The following PRKG1 variants were observed in gnomAD, a reference collection of about 807,000 sequenced individuals.
PRKG1 encodes the protein protein kinase cGMP-dependent 1.
Under a neutral mutation model 88.1 loss-of-function variants are expected in PRKG1, and 35 were observed. The observed-to-expected ratio is 0.40, with a 90% CI of 0.30 to 0.53. PRKG1 has a LOEUF of 0.53. PRKG1 is among the 20% of genes least tolerant of loss of function. The pLI, the probability that PRKG1 is intolerant of heterozygous loss-of-function variation, is 0.59. For missense variants in PRKG1, 540 were observed against 839.8 expected (o/e 0.64, Z 4.41); for synonymous variants, 303 against 292.5 (o/e 1.04, Z -0.37).
intron 3 of PRKG1, among the ~76,000 whole-genome samples, chr10:51,785,128 T>C (rs1014167548): frequency 5.3e-5 from 8 of 151,498 alleles, no homozygotes; most frequent in Non-Finnish European, 2.9e-5. Context: ...CTTCTTCTTT[T>C]TTTTTTTTTT....
intron 4 of PRKG1, among the ~76,000 whole-genome samples, chr10:51,897,399 ATAAT>A (rs1374116679): frequency 1.3e-5 from 2 of 152,148 alleles, no homozygotes; most frequent in African/African-American, 4.8e-5. Flanking sequence ...CTTCCCAGAG[ATAAT>A]TAATATAACT....
chr10:51,787,980 G>T (rs1838770194), intron 3 of PRKG1, among the ~76,000 whole-genome samples: 1 of 152,202 alleles, frequency 6.6e-6, no homozygotes, highest in South Asian at 2.1e-4. Context: ...CGACCTTTGG[G>T]TTTATGTAGT....
chr10:51,735,966 C>T (rs1837266909), intron 3 of PRKG1, among the ~76,000 whole-genome samples: 1 of 125,194 alleles, frequency 8.0e-6, no homozygotes, highest in South Asian at 2.8e-4. Flanking sequence ...GTGCACGACT[C>T]ACTGCAGCCT....
At position 52,225,485 on chromosome 10, in the gene PRKG1, A is replaced by G. The variant is rs568379651; in HGVS notation, c.1077-26085A>G. 3.3e-4 allele frequency among the ~76,000 whole-genome samples: 50 copies of G among 152,216 alleles called. No homozygotes were observed. The East Asian group carries it at 9.5e-3, about 29-fold the overall frequency. On this transcript the variant is annotated intron_variant, in intron 9 of 17. Transcript: ENST00000373980. ...CTTTTGCCATGCAAAAATGATCTTTAGTTTAATTAGGTCTCAGCTATTTAT... is the reference window on the plus strand; with the variant it reads ...CTTTTGCCATGCAAAAATGATCTTTGGTTTAATTAGGTCTCAGCTATTTAT...
chr10:52,207,325 A>G (rs113143149), intron 9 of PRKG1, among the ~76,000 whole-genome samples: 4 of 151,612 alleles, frequency 2.6e-5, no homozygotes, highest in African/African-American at 7.3e-5. Flanking sequence ...CTGGTGAGGG[A>G]GCTATGATGA....
intron 5 of PRKG1, among the ~76,000 whole-genome samples, chr10:52,024,572 A>G (rs1385453312): frequency 6.6e-6 from 1 of 152,062 alleles, no homozygotes; most frequent in East Asian, 1.9e-4. Flanking sequence ...GAGTGAGAAC[A>G]TGCAGTGTTT....
chr10:52,033,977 G>A (rs900798247), intron 5 of PRKG1, among the ~76,000 whole-genome samples: 1 of 74,496 alleles, frequency 1.3e-5, no homozygotes, highest in Non-Finnish European at 3.3e-5. Flanking sequence ...TGCTCAGTGG[G>A]GGTGCTTTTT....
chr10:51,295,166 G>T (rs1840687720), intron 2 of PRKG1, among the ~76,000 whole-genome samples: 1 of 151,874 alleles, frequency 6.6e-6, no homozygotes, highest in Non-Finnish European at 1.5e-5. Flanking sequence ...TTCTACTTTT[G>T]CAAATAATGC....
At chr10:51,554,032 T>TATATTATATGTGCGTATGTGATACGTGC (rs1837227375) in intron 3 of PRKG1, among the ~76,000 whole-genome samples, 1 of 129,246 alleles carries the variant, frequency 7.7e-6, no homozygotes, top group African/African-American at 3.1e-5. Context: ...GTGATACGTG[T>TATATTATATGTGCGTATGTGATACGTGC]ATATATTATA....
chr10:51,090,412 A>C lies in PRKG1; in HGVS notation c.311+15511A>C, dbSNP rs374390604. Among the ~76,000 whole-genome samples the C allele has an allele frequency of 2.8e-4, 43 of 152,200 alleles. No homozygotes were observed. The East Asian group carries it at 3.1e-3, about 11-fold the overall frequency. On this transcript the variant is annotated intron_variant, in intron 1 of 17. Coordinates refer to ENST00000373980, the MANE Select transcript of PRKG1 (RefSeq NM_006258.4). ...GATTGAGTGACAGAAAGGATCCTACACAATTTCTGTGTGGGATAACTGTGG... is the reference window on the plus strand; with the variant it reads ...GATTGAGTGACAGAAAGGATCCTACCCAATTTCTGTGTGGGATAACTGTGG...
chr10:51,145,856 G>C (rs545758672), intron 1 of PRKG1, among the ~76,000 whole-genome samples: 1 of 152,122 alleles, frequency 6.6e-6, no homozygotes, highest in South Asian at 2.1e-4. Context: ...TGTATTTTTA[G>C]TTTTAGAGAA....
At chr10:51,743,100 TTCTC>T (rs1450952323) in intron 3 of PRKG1, among the ~76,000 whole-genome samples, 1 of 152,028 alleles carries the variant, frequency 6.6e-6, no homozygotes, top group African/African-American at 2.4e-5. Context: ...CGGCAGCTCT[TTCTC>T]CGGGAAAACC....
intron 3 of PRKG1, among the ~76,000 whole-genome samples, chr10:51,507,045 GCAAGGA>G (rs761383484): frequency 1.3e-3 from 191 of 151,766 alleles, no homozygotes; most frequent in Non-Finnish European, 9.7e-4. Flanking sequence ...GCAAACTAGT[GCAAGGA>G]CAAAACACCA....
In PRKG1 at chr10:51,494,773, A is replaced by C. The variant is rs564774913; in HGVS notation, c.592+26937A>C. Among the ~76,000 whole-genome samples, 62 of 152,262 alleles carry C rather than the reference A, an allele frequency of 4.1e-4. No individual in the cohort carries two copies. The South Asian group carries it at 4.6e-3, about 11-fold the overall frequency. On this transcript the variant is annotated intron_variant, in intron 3 of 17. Transcript: ENST00000373980. ...GTGTGCTCTCTGTATTTTTCTATTAATGGTGTTTGTGACTTCGAAAATTTA... is the reference window on the plus strand; with the variant it reads ...GTGTGCTCTCTGTATTTTTCTATTACTGGTGTTTGTGACTTCGAAAATTTA...
At chr10:51,256,169 G>T (rs1209948193) in intron 2 of PRKG1, among the ~76,000 whole-genome samples, 1 of 152,124 alleles carries the variant, frequency 6.6e-6, no homozygotes, top group East Asian at 1.9e-4. Flanking sequence ...TCAGGGAAGA[G>T]ATCTCTGTCT....
chr10:51,064,328 G>A (rs1843724623), intron 1 of PRKG1, among the ~76,000 whole-genome samples: 1 of 151,914 alleles, frequency 6.6e-6, no homozygotes, highest in African/African-American at 2.4e-5. Context: ...ATGCCAAGAG[G>A]GTTTTTACAT....
At chr10:51,620,360 C>G (rs533167354) in intron 3 of PRKG1, among the ~76,000 whole-genome samples, 2 of 151,778 alleles carry the variant, frequency 1.3e-5, no homozygotes, top group Non-Finnish European at 2.9e-5. Flanking sequence ...TCATTTGGCT[C>G]TCTATTCACC....
intron 1 of PRKG1, among the ~76,000 whole-genome samples, chr10:51,018,538 C>T (rs184727504): frequency 1.6e-4 from 25 of 152,180 alleles, no homozygotes; most frequent in Middle Eastern, 3.4e-3. Context: ...GCCTCTTTTA[C>T]GGTAGATAAA....
intron 3 of PRKG1, among the ~76,000 whole-genome samples, chr10:51,589,498 C>A (rs1838255122): frequency 1.3e-5 from 2 of 152,072 alleles, no homozygotes; most frequent in African/African-American, 4.8e-5. Context: ...GTGGCATGTG[C>A]CTGTAATTCC....
Sources: allele counts gnomAD v4.1 joint callset (sites outside exome capture counted in the v4.1 genomes callset), GRCh38; gene constraint gnomAD v4.1.1; transcripts MANE v1.5; gene names NCBI Gene and HGNC (gene_info 2026-07-23, HGNC 2026-07-21).